MARCHF10: variants seen among roughly 807,000 people sequenced by gnomAD.
MARCHF10 encodes probable E3 ubiquitin-protein ligase MARCHF10.
MARCHF10 carries 64 observed loss-of-function variants against 76.2 expected under a neutral mutation model. That is an observed-to-expected ratio of 0.84 (90% CI 0.69 to 1.03). The LOEUF (loss-of-function observed/expected upper bound fraction) is 1.03, where lower values mean the gene tolerates loss of function less well. MARCHF10 is among the 50% of genes least tolerant of loss of function. The probability of loss-of-function intolerance (pLI) is 0.00; values close to 1 mark genes in which losing one functional copy is unlikely to be tolerated. For missense variants in MARCHF10, 875 were observed against 958.0 expected (o/e 0.91, Z 1.14); for synonymous variants, 340 against 357.5 (o/e 0.95, Z 0.55).
intron 8 of MARCHF10, among the ~76,000 whole-genome samples, chr17:62,713,603 A>G (rs1420814915): frequency 6.6e-6 from 1 of 152,146 alleles, no homozygotes; most frequent in East Asian, 1.9e-4. Flanking sequence ...GTGATAGTCA[A>G]CTCCGAATCA....
Position 62,736,296 on chromosome 17 carries a change from A to T in MARCHF10, c.1572T>A (p.Ser524Arg). 1 of 1,614,202 alleles carries T rather than the reference A, an allele frequency of 6.2e-7. No individual in the cohort carries two copies. The highest frequency in any genetic ancestry group is 8.5e-7 in the Non-Finnish European group (1 of 1,180,034). Reference sequence around the variant, plus strand: ...CTGGGAAATAATTATGGTTTTCGGCACTGGCAAATGGAGTCCTATTTCTAA... The same window carrying T: ...CTGGGAAATAATTATGGTTTTCGGCTCTGGCAAATGGAGTCCTATTTCTAA... Reference protein sequence around the residue: ...SPIRNRTPFASAENHNYFPVN... With the variant: ...SPIRNRTPFARAENHNYFPVN... The change falls in exon 6 of 11, where the codon AGT becomes AGA. Residue 524 changes from serine (S) to arginine (R), a missense_variant. Ser to Arg is a moderately radical substitution (Grantham distance 110). Coordinates refer to ENST00000311269, the MANE Select transcript of MARCHF10 (RefSeq NM_152598.4).
At chr17:62,735,174 C>T (rs946968967) in intron 6 of MARCHF10, 1 of 152,106 alleles carries the variant, frequency 6.6e-6, no homozygotes, top group Non-Finnish European at 1.5e-5. Flanking sequence ...GCTCAAATTC[C>T]AAGAATCAAT....
chr17:62,704,218 C>G (rs1482474158), intron 10 of MARCHF10, among the ~76,000 whole-genome samples: 2 of 151,606 alleles, frequency 1.3e-5, no homozygotes, highest in Middle Eastern at 3.2e-3. Flanking sequence ...GGCGGGGAGC[C>G]GCGGGGCCGA....
At chr17:62,703,433 C>T (rs531513704) in intron 10 of MARCHF10, 1 of 152,420 alleles carries the variant, frequency 6.6e-6, no homozygotes, top group Non-Finnish European at 1.5e-5. Context: ...AATGGCTACC[C>T]TGGCTCTTGT....
chr17:62,781,002 G>A (rs1437592954), intron 3 of MARCHF10: 2 of 152,188 alleles, frequency 1.3e-5, no homozygotes, highest in Non-Finnish European at 2.9e-5. Flanking sequence ...GCCGGTGCCT[G>A]GGAAGGAGGG....
chr17:62,710,282 T>C (rs1381956087), intron 9 of MARCHF10, among the ~76,000 whole-genome samples: 1 of 152,228 alleles, frequency 6.6e-6, no homozygotes, highest in Non-Finnish European at 1.5e-5. Flanking sequence ...AAAATAAGGT[T>C]ACAGAAATGT....
chr17:62,719,825 T>G (rs1301484399), intron 8 of MARCHF10, among the ~76,000 whole-genome samples: 1 of 152,204 alleles, frequency 6.6e-6, no homozygotes, highest in Non-Finnish European at 1.5e-5. Flanking sequence ...GATAATTGTC[T>G]CACAAGTTCT....
intron 3 of MARCHF10, among the ~76,000 whole-genome samples, chr17:62,762,888 C>T (rs921804411): frequency 2.0e-5 from 3 of 152,192 alleles, no homozygotes; most frequent in Admixed American, 2.0e-4. Context: ...CAGGGAGGAT[C>T]GTCCTTGAGT....
intron 3 of MARCHF10, among the ~76,000 whole-genome samples, chr17:62,779,796 T>G (rs2148061441): frequency 1.3e-5 from 2 of 152,294 alleles, no homozygotes; most frequent in South Asian, 4.1e-4. Context: ...ATCTGCATGG[T>G]CCAATATGGC....
intron 4 of MARCHF10, chr17:62,750,281 A>G: frequency 6.5e-6 from 1 of 153,878 alleles, no homozygotes. Flanking sequence ...GGGGCAGGAG[A>G]TGGGGAAGTA....
intron 8 of MARCHF10, among the ~76,000 whole-genome samples, chr17:62,717,070 A>G (rs1304884077): frequency 6.6e-6 from 1 of 152,224 alleles, no homozygotes; most frequent in Non-Finnish European, 1.5e-5. Flanking sequence ...GCTGAGTTTC[A>G]GTGACGTTGT....
intron 2 of MARCHF10, among the ~76,000 whole-genome samples, chr17:62,792,773 TACCACCACCACCTCCATC>T (rs2092878606): frequency 1.3e-4 from 4 of 31,650 alleles, no homozygotes; most frequent in East Asian, 1.2e-3. Context: ...CCTCCATCAC[TACCACCACCACCTCCATC>T]ACCACCACCA....
chr17:62,781,926 C>T (rs978165180), intron 3 of MARCHF10, among the ~76,000 whole-genome samples: 3 of 152,184 alleles, frequency 2.0e-5, no homozygotes, highest in Admixed American at 2.0e-4. Flanking sequence ...ATAACAGCCA[C>T]TCAATCAGAG....
At chr17:62,747,036 A>T in intron 4 of MARCHF10, 1 of 1,243,144 alleles carries the variant, frequency 8.0e-7, no homozygotes, top group South Asian at 1.3e-5. Context: ...GTGTTTAAAT[A>T]TTCTAAAATT....
At position 62,736,071 on chromosome 17, in the gene MARCHF10, T is replaced by A; in HGVS notation, c.1797A>T (p.Thr599=). The change falls in exon 6 of 11, where the codon ACA becomes ACT. Residue 599 remains threonine (T), a synonymous_variant. Transcript: ENST00000311269. ...GAGACACTGCAAAGAAAGTAAATGGTGTATTTTCTTGCAGAGACCCAGACA... is the reference window on the plus strand; with the variant it reads ...GAGACACTGCAAAGAAAGTAAATGGAGTATTTTCTTGCAGAGACCCAGACA... The part of the protein sequence containing the change: ...LHVSGSLQEN[T]PFTFFAVSHF... The A allele has an allele frequency of 6.2e-7, 1 of 1,614,198 alleles. No homozygotes were observed. Among genetic ancestry groups the A allele is most frequent in the Non-Finnish European group, 8.5e-7 (1 of 1,180,034 alleles).
At chr17:62,740,083 C>CGT (rs72034322) in intron 5 of MARCHF10, among the ~76,000 whole-genome samples, 173 of 144,000 alleles carry the variant, frequency 1.2e-3, no homozygotes, top group African/African-American at 4.3e-3. Context: ...TGTGTGTGTG[C>CGT]GTGTGTGTGT....
intron 3 of MARCHF10, among the ~76,000 whole-genome samples, chr17:62,778,682 C>CAA (rs71357038): frequency 0.04 from 4,039 of 100,732 alleles, 263 homozygotes; most frequent in African/African-American, 0.13. Context: ...GACTCTGTCT[C>CAA]AAAAAAAAAA....
At chr17:62,720,627 G>T (rs1463637907) in intron 8 of MARCHF10, among the ~76,000 whole-genome samples, 1 of 152,186 alleles carries the variant, frequency 6.6e-6, no homozygotes, top group Admixed American at 6.5e-5. Context: ...CCTGCTGGAA[G>T]CATGAAGGAA....
chr17:62,707,086 C>T (rs2089637651), intron 9 of MARCHF10, among the ~76,000 whole-genome samples: 1 of 152,168 alleles, frequency 6.6e-6, no homozygotes, highest in East Asian at 1.9e-4. Flanking sequence ...ATGTCTGATG[C>T]TCCCACACGG....
Sources: gnomAD v4.1 joint callset for allele counts (sites outside exome capture counted in the v4.1 genomes callset) on GRCh38, gnomAD v4.1.1 for gene constraint, MANE v1.5 for transcripts, NCBI Gene and HGNC (gene_info 2026-07-23, HGNC 2026-07-21) for gene names.